PFDN2: variants seen among roughly 807,000 people sequenced by gnomAD.
PFDN2 encodes prefoldin subunit 2.
A neutral mutation model predicts 18.3 loss-of-function variants in PFDN2; 7 were observed. The observed-to-expected ratio is 0.38, with a 90% confidence interval of 0.22 to 0.72. PFDN2 has a LOEUF of 0.72. Ranked by LOEUF, PFDN2 falls within the 30% of genes least tolerant of loss-of-function variation. The pLI, the probability that PFDN2 is intolerant of heterozygous loss-of-function variation, is 0.47. For missense variants in PFDN2, 181 were observed against 199.1 expected, an observed-to-expected ratio of 0.91 and a Z score of 0.55; for synonymous variants, 76 against 75.0, an observed-to-expected ratio of 1.01 and a Z score of -0.07.
intron 1 of PFDN2, among the ~76,000 whole-genome samples, chr1:161,116,584 A>C (rs1329142312): frequency 6.6e-6 from 1 of 152,192 alleles, no homozygotes; most frequent in Non-Finnish European, 1.5e-5. Context: ...CATATTCCAT[A>C]GCACTTTATA....
intron 3 of PFDN2, 66 bp downstream of exon 3, chr1:161,101,982 C>T (rs1654573761): frequency 1.9e-6 from 3 of 1,579,106 alleles, no homozygotes; most frequent in Non-Finnish European, 1.7e-6. Flanking sequence ...GTCCACCTGC[C>T]TTGGCCTCCC....
chr1:161,103,683 CAAAAAAAAAAAAAAAAAA>C (rs553472563), intron 1 of PFDN2, among the ~76,000 whole-genome samples: 19 of 74,920 alleles, frequency 2.5e-4, no homozygotes, highest in African/African-American at 1.0e-3. Context: ...GACTCCGTCT[CAAAAAAAAAAAAAAAAAA>C]AAAAAAAAAA....
At chr1:161,114,179 T>C (rs946820997) in intron 1 of PFDN2, among the ~76,000 whole-genome samples, 2 of 152,244 alleles carry the variant, frequency 1.3e-5, no homozygotes, top group Non-Finnish European at 2.9e-5. Context: ...TCTCAAGATT[T>C]AAAAATCAAA....
At chr1:161,117,360 T>C (rs1466411126) in intron 1 of PFDN2, among the ~76,000 whole-genome samples, 1 of 152,240 alleles carries the variant, frequency 6.6e-6, no homozygotes, top group Non-Finnish European at 1.5e-5. Flanking sequence ...GGTTTTCTAA[T>C]TAACTTATCA....
intron 1 of PFDN2, among the ~76,000 whole-genome samples, chr1:161,107,577 G>T (rs1157670058): frequency 6.6e-6 from 1 of 152,120 alleles, no homozygotes; most frequent in Non-Finnish European, 1.5e-5. Context: ...CAGTTTGGTA[G>T]GCCAAGGCGG....
At chr1:161,117,891 C>T (rs1655011171) in intron 1 of PFDN2, 61 bp downstream of exon 1, 1 of 1,401,584 alleles carries the variant, frequency 7.1e-7, no homozygotes, top group Non-Finnish European at 9.9e-7. Flanking sequence ...CACAGGCTCC[C>T]CCTTCTCGCT....
chr1:161,101,556 C>A (rs1393796552), intron 3 of PFDN2, among the ~76,000 whole-genome samples: 1 of 152,170 alleles, frequency 6.6e-6, no homozygotes, highest in African/African-American at 2.4e-5. Flanking sequence ...TCCAGTGGGT[C>A]TGGGAAGCTG....
intron 1 of PFDN2, among the ~76,000 whole-genome samples, chr1:161,111,760 T>C (rs879113648): frequency 1.3e-5 from 2 of 152,182 alleles, no homozygotes; most frequent in African/African-American, 4.8e-5. Flanking sequence ...ACTCCCACAA[T>C]GGCCACAGGA....
At chr1:161,117,866 A>G in intron 1 of PFDN2, 86 bp downstream of exon 1, 1 of 1,192,240 alleles carries the variant, frequency 8.4e-7, no homozygotes, top group Non-Finnish European at 1.2e-6. Flanking sequence ...TGCTGGAGTA[A>G]AGGCCTGCAC....
At chr1:161,101,909 T>G in intron 3 of PFDN2, 139 bp downstream of exon 3, 1 of 790,920 alleles carries the variant, frequency 1.3e-6, no homozygotes, top group Non-Finnish European at 2.0e-6. Flanking sequence ...TCTTTTGTAT[T>G]TTTTGTAGTG....
chr1:161,104,923 ATTCAT>A (rs1056072083), intron 1 of PFDN2, among the ~76,000 whole-genome samples: 3 of 152,172 alleles, frequency 2.0e-5, no homozygotes, highest in African/African-American at 7.2e-5. Flanking sequence ...TACTTTAGCC[ATTCAT>A]TTCAACAAAT....
rs567916034 is a variant in PFDN2 at position 161,101,925 on chromosome 1, G to C, written c.288+123C>G. 17 of 904,844 alleles carry C rather than the reference G, an allele frequency of 1.9e-5. No individual in the cohort carries two copies. The African/African-American group carries it at 2.5e-4, about 13-fold the overall frequency. 56.1% of individuals were successfully genotyped at this position (904,844 alleles called of 1,614,324 possible). On this transcript the variant is annotated intron_variant, in intron 3 of 3. Coordinates refer to ENST00000368010, the MANE Select transcript of PFDN2 (RefSeq NM_012394.4). ...CTTTTGTATTTTTTGTAGTGATATG[G>C]TTTCACCATGTTGCCCAGGCTGGTC...
chr1:161,108,366 G>A (rs1654729254), intron 1 of PFDN2, among the ~76,000 whole-genome samples: 2 of 151,174 alleles, frequency 1.3e-5, no homozygotes, highest in Admixed American at 6.6e-5. Flanking sequence ...GCTGAGGCAG[G>A]AGAATCGCTT....
chr1:161,106,629 C>A (rs1009221064), intron 1 of PFDN2, among the ~76,000 whole-genome samples: 3 of 152,012 alleles, frequency 2.0e-5, no homozygotes, highest in African/African-American at 7.2e-5. Context: ...CAATTTTTTT[C>A]TTTTCTTCTT....
At chr1:161,103,369 C>A (rs1242764344) in intron 1 of PFDN2, among the ~76,000 whole-genome samples, 1 of 150,196 alleles carries the variant, frequency 6.7e-6, no homozygotes, top group Non-Finnish European at 1.5e-5. Context: ...CTGTGAAATA[C>A]CCACTATTAT....
intron 1 of PFDN2, among the ~76,000 whole-genome samples, chr1:161,103,683 CAAAAAAAAAAAA>C (rs553472563): frequency 3.7e-4 from 28 of 74,920 alleles, no homozygotes; most frequent in East Asian, 1.0e-3. Flanking sequence ...GACTCCGTCT[CAAAAAAAAAAAA>C]AAAAAAAAAA....
intron 1 of PFDN2, among the ~76,000 whole-genome samples, chr1:161,113,654 G>A (rs928117279): frequency 1.3e-5 from 2 of 152,120 alleles, no homozygotes; most frequent in African/African-American, 4.8e-5. Flanking sequence ...GGTGGCACAC[G>A]CATGTAGTCC....
rs142378442 is a variant in PFDN2 at position 161,113,737 on chromosome 1, G to A, written c.75+4215C>T. Among the ~76,000 whole-genome samples, 43 of 152,234 alleles carry A rather than the reference G, an allele frequency of 2.8e-4. 1 individual carries two copies. The East Asian group carries it at 7.7e-3, about 27-fold the overall frequency. Reference sequence around the variant, plus strand: ...GTTGAGGCTGCAGTGAGCCGTGATCGCACCACTGCACTCCAGCCTGGGCAA... The same window carrying A: ...GTTGAGGCTGCAGTGAGCCGTGATCACACCACTGCACTCCAGCCTGGGCAA... On this transcript the variant is annotated intron_variant, in intron 1 of 3. Coordinates refer to ENST00000368010, the MANE Select transcript of PFDN2 (RefSeq NM_012394.4).
At position 161,102,279 on chromosome 1, in the gene PFDN2, T is replaced by C. The variant is rs1299753927; in HGVS notation, c.164+8A>G. The stretch of plus-strand genomic sequence containing the variant: ...GTCCTACTGTTTGCCTCTCCCTGAC[T>C]TTCTCACCTGTGCTCATTCAACTCC... On this transcript the variant is annotated splice_region_variant and intron_variant, in intron 2 of 3. Transcript: ENST00000368010. The C allele has an allele frequency of 6.2e-7, 1 of 1,613,762 alleles. No homozygotes were observed. Among genetic ancestry groups the C allele is most frequent in the Non-Finnish European group, 8.5e-7 (1 of 1,179,728 alleles).
Sources: allele counts gnomAD v4.1 joint callset (sites outside exome capture counted in the v4.1 genomes callset), GRCh38; gene constraint gnomAD v4.1.1; transcripts MANE v1.5; gene names NCBI Gene and HGNC (gene_info 2026-07-23, HGNC 2026-07-21).